Variants in HIP1R observed in about 807,000 individuals in gnomAD.
The protein encoded by HIP1R is huntingtin interacting protein 1 related.
HIP1R carries 135 observed loss-of-function variants against 144.2 expected under a neutral mutation model. The observed-to-expected ratio is 0.94, with a 90% CI of 0.81 to 1.08. HIP1R has a LOEUF of 1.08. HIP1R is among the 50% of genes least tolerant of loss of function. The pLI, the probability that HIP1R is intolerant of heterozygous loss-of-function variation, is 0.00. For missense variants in HIP1R, 1,462 were observed against 1,432.8 expected, an observed-to-expected ratio of 1.02 and a Z score of -0.33; for synonymous variants, 698 against 612.8, an observed-to-expected ratio of 1.14 and a Z score of -2.05.
intron 8 of HIP1R, 134 bp from the exon 9 acceptor site, chr12:122,854,771 T>C (rs1167297381): frequency 3.5e-6 from 3 of 846,608 alleles, no homozygotes; most frequent in Non-Finnish European, 5.7e-6. Flanking sequence ...CCCATCCCGA[T>C]GGGAGAGCGG....
At chr12:122,839,398 T>TCACTGTA (rs2032995001) in intron 1 of HIP1R, among the ~76,000 whole-genome samples, 1 of 152,194 alleles carries the variant, frequency 6.6e-6, no homozygotes, top group Non-Finnish European at 1.5e-5. Context: ...GTCTGGCGGG[T>TCACTGTA]GAGCATTAAC....
chr12:122,837,205 G>A (rs1460254225), intron 1 of HIP1R, among the ~76,000 whole-genome samples: 3 of 152,108 alleles, frequency 2.0e-5, no homozygotes, highest in Non-Finnish European at 2.9e-5. Flanking sequence ...CAACTTCATT[G>A]ATCTTACTCT....
intron 1 of HIP1R, among the ~76,000 whole-genome samples, chr12:122,838,468 A>G (rs2032968643): frequency 1.3e-5 from 2 of 152,164 alleles, no homozygotes; most frequent in African/African-American, 2.4e-5. Flanking sequence ...AGGGTGTGGT[A>G]TCATAAAGGC....
Position 122,858,124 on chromosome 12 carries a change from G to A in HIP1R, c.1838G>A (p.Arg613Gln), listed in dbSNP as rs753493991. ...CAGGAGTCTCAGGAGCAGGGGCTGC[G>A]GCAGAGGCTGCTGGACGAGCAGTTC... ...AERESQEQGL[R>Q]QRLLDEQFAV... Residue 613 changes from arginine (R) to glutamine (Q), a missense_variant, in exon 19 of 32, where the codon CGG (arginine) becomes CAG (glutamine). Physicochemically the swap from Arg to Gln is conservative, Grantham distance 43. This residue lies in a region of HIP1R where 1,112 missense variants were observed against 1,011.7 expected (regional missense o/e 1.10). Transcript: ENST00000253083. 34 of 1,594,240 alleles carry A rather than the reference G, an allele frequency of 2.1e-5. No homozygotes were observed. The highest frequency in any genetic ancestry group is 6.7e-5 in the African/African-American group (5 of 74,728).
intron 7 of HIP1R, among the ~76,000 whole-genome samples, chr12:122,851,849 T>C (rs2033409009): frequency 6.6e-6 from 1 of 152,120 alleles, no homozygotes; most frequent in Non-Finnish European, 1.5e-5. Flanking sequence ...TGTCACTCCA[T>C]CAGCCCCAAG....
rs1053036650 is a variant in HIP1R at position 122,855,134 on chromosome 12, A to G, written c.852+6A>G. The G allele has an allele frequency of 6.2e-7, 1 of 1,612,918 alleles. No individual in the cohort carries two copies. Among genetic ancestry groups the G allele is most frequent in the African/African-American group, 1.3e-5 (1 of 74,922 alleles). On this transcript the variant is annotated splice_donor_region_variant and intron_variant, in intron 10 of 31. Coordinates refer to ENST00000253083, the MANE Select transcript of HIP1R (RefSeq NM_003959.3). ...AGATCCCCCGGCTGCCCGAGGTACC[A>G]CCCCCAAGAGGGCCCCGAGGCCCTT...
chr12:122,849,487 C>T (rs573425195), intron 4 of HIP1R, among the ~76,000 whole-genome samples: 51 of 152,388 alleles, frequency 3.3e-4, no homozygotes, highest in African/African-American at 1.2e-3. Context: ...AAAACACTGC[C>T]CATGGTGCCA....
chr12:122,852,376 C>G (rs1319268730), intron 7 of HIP1R, among the ~76,000 whole-genome samples: 2 of 152,210 alleles, frequency 1.3e-5, no homozygotes, highest in African/African-American at 4.8e-5. Flanking sequence ...CAGGACAGGG[C>G]TACCAGGCTC....
In HIP1R at chr12:122,855,421, AG is replaced by A; in HGVS notation, c.993+17del. 2 of 1,554,424 alleles carry A rather than the reference AG, an allele frequency of 1.3e-6. No homozygotes were observed. The highest frequency in any genetic ancestry group is 2.4e-5 in the South Asian group (2 of 84,734). On this transcript the variant is annotated intron_variant, in intron 11 of 31. Coordinates refer to ENST00000253083, the MANE Select transcript of HIP1R (RefSeq NM_003959.3). ...GGAGCCAGTGGTGAGCCCCCTGCCCAGCCCGTGTCCCCCAGTCCTCCAGCTG... is the reference window on the plus strand; with the variant it reads ...GGAGCCAGTGGTGAGCCCCCTGCCCACCCGTGTCCCCCAGTCCTCCAGCTG...
At position 122,851,247 on chromosome 12, in the gene HIP1R, C is replaced by G. The variant is rs1182719321; in HGVS notation, c.527C>G (p.Thr176Ser). 1.4e-5 allele frequency: 21 copies of G among 1,540,442 alleles called. No homozygotes were observed. Among genetic ancestry groups the G allele is most frequent in the Non-Finnish European group, 1.8e-5 (21 of 1,151,932 alleles). Residue 176 changes from threonine (T) to serine (S), a missense_variant, in exon 7 of 32, where the codon ACT (threonine) becomes AGT (serine). Physicochemically the swap from Thr to Ser is moderately conservative, Grantham distance 58. Coordinates refer to ENST00000253083, the MANE Select transcript of HIP1R (RefSeq NM_003959.3). ...GTDVNNIFQL[T>S]VEMFDYMDCE... ...CTTCTCTTGCGTAGCTTCCAGCTCA[C>G]TGTGGAGATGTTTGATTACATGGAT...
chr12:122,861,157 C>T lies in HIP1R; in HGVS notation c.2917C>T (p.Leu973Phe), dbSNP rs1389027481. 1 of 1,613,058 alleles carries T rather than the reference C, an allele frequency of 6.2e-7. No homozygotes were observed. Among genetic ancestry groups the T allele is most frequent in the Non-Finnish European group, 8.5e-7 (1 of 1,179,942 alleles). ...RDTMDFSGLS[L>F]IKLKKQEMET... ...CACCATGGATTTCTCCGGCCTGTCC[C>T]TCATCAAGCTGAAGAAGCAGGAGAT... Residue 973 changes from leucine (L) to phenylalanine (F), a missense_variant, in exon 30 of 32, where the codon CTC becomes TTC. Transcript: ENST00000253083.
At chr12:122,856,859 C>A in intron 17 of HIP1R, 133 bp downstream of exon 17, 1 of 1,040,424 alleles carries the variant, frequency 9.6e-7, no homozygotes, top group South Asian at 1.5e-5. Context: ...GACCCAGACC[C>A]AGGGGCTACA....
chr12:122,860,292 C>T (rs1483331301), intron 26 of HIP1R, 82 bp downstream of exon 26: 2 of 1,533,204 alleles, frequency 1.3e-6, no homozygotes, highest in African/African-American at 2.7e-5. Context: ...AGACCCTCCA[C>T]CCCCTACCAC....
rs1171265103 is a variant in HIP1R at position 122,836,095 on chromosome 12, C to A, written c.93+452C>A. ...GACTGGGGTCCCCGACCTTCCGTGC[C>A]GCTCCTTGCCGGCTCCTGCCCCCGT... On this transcript the variant is annotated intron_variant, in intron 1 of 31. Transcript: ENST00000253083. The surrounding 1 kb of genome is among the most constrained non-coding windows in gnomAD (Gnocchi z 4.1). Among the ~76,000 whole-genome samples, 1 of 152,142 alleles carries A rather than the reference C, an allele frequency of 6.6e-6. No individual in the cohort carries two copies. The highest frequency in any genetic ancestry group is 1.5e-5 in the Non-Finnish European group (1 of 68,010).
At chr12:122,834,918 A>T, upstream of HIP1R, 2 of 1,284,884 alleles carry the variant, frequency 1.6e-6, no homozygotes, top group Non-Finnish European at 2.0e-6. Flanking sequence ...AAGGAAAAAA[A>T]GCGTCTATCT....
At chr12:122,839,744 C>T (rs933137707) in intron 1 of HIP1R, among the ~76,000 whole-genome samples, 3 of 152,210 alleles carry the variant, frequency 2.0e-5, no homozygotes, top group African/African-American at 7.2e-5. Flanking sequence ...TATCCAAAAG[C>T]TAGCCCTTTC....
intron 22 of HIP1R, 42 bp from the exon 23 acceptor site, chr12:122,859,384 G>GA (rs776080906): frequency 1.9e-6 from 3 of 1,565,348 alleles, no homozygotes; most frequent in Middle Eastern, 1.7e-4. Flanking sequence ...GTGGGACGGG[G>GA]GGGGACGGAG....
chr12:122,846,610 T>A (rs1484614364), intron 1 of HIP1R, among the ~76,000 whole-genome samples: 1 of 152,126 alleles, frequency 6.6e-6, no homozygotes, highest in East Asian at 1.9e-4. Context: ...GTGCATTTCC[T>A]CAGGTCGTGG....
At position 122,844,894 on chromosome 12, in the gene HIP1R, A is replaced by G. The variant is rs565348756; in HGVS notation, c.94-3137A>G. Among the ~76,000 whole-genome samples the G allele has an allele frequency of 5.9e-5, 9 of 152,298 alleles. No individual in the cohort carries two copies. In the East Asian group the frequency reaches 1.7e-3, roughly 29 times the overall value. On this transcript the variant is annotated intron_variant, in intron 1 of 31. Coordinates refer to ENST00000253083, the MANE Select transcript of HIP1R (RefSeq NM_003959.3). ...GCCCGAGGGGCCACATGGGGCACAA[A>G]TGCAGGCTAGAGAACCCAGGGACAG... is the stretch of plus-strand genomic sequence containing the variant.
Sources: gnomAD v4.1 joint callset for allele counts (sites outside exome capture counted in the v4.1 genomes callset) on GRCh38, gnomAD v4.1.1 for gene constraint, gnomAD v4.1.1 regional missense constraint, Gnocchi (gnomAD v3.1) non-coding constraint, MANE v1.5 for transcripts, NCBI Gene and HGNC (gene_info 2026-07-23, HGNC 2026-07-21) for gene names.